The following TTYH2 variants were observed in gnomAD, a reference collection of about 807,000 sequenced individuals.
TTYH2 encodes tweety family member 2, also known as protein tweety homolog 2.
A neutral mutation model predicts 68.3 loss-of-function variants in TTYH2; 49 were observed. The ratio of observed to expected loss-of-function variants is 0.72; its 90% CI spans 0.57 to 0.91. The LOEUF is 0.91. TTYH2 is among the 40% of genes least tolerant of loss of function. The probability of loss-of-function intolerance (pLI) is 0.00; values close to 1 mark genes in which losing one functional copy is unlikely to be tolerated. For missense variants in TTYH2, 631 were observed against 700.4 expected (o/e 0.90, Z 1.12); for synonymous variants, 272 against 300.8 (o/e 0.90, Z 0.99).
At chr17:74,250,092 C>T (rs559616470) in intron 9 of TTYH2, 64 bp downstream of exon 9, 58 of 1,570,510 alleles carry the variant, frequency 3.7e-5, no homozygotes, top group African/African-American at 5.4e-5. Flanking sequence ...TCCCCTGCCC[C>T]GGCCCCAGGG....
intron 3 of TTYH2, among the ~76,000 whole-genome samples, chr17:74,234,817 T>C (rs1469943976): frequency 6.6e-6 from 1 of 152,220 alleles, no homozygotes; most frequent in East Asian, 1.9e-4. Context: ...AATATAGAAA[T>C]GTCACCTATT....
At chr17:74,238,665 G>A (rs912610930) in intron 4 of TTYH2, among the ~76,000 whole-genome samples, 6 of 152,000 alleles carry the variant, frequency 3.9e-5, no homozygotes, top group African/African-American at 7.3e-5. Context: ...TCGGGAGTCC[G>A]AGACCAGCCT....
chr17:74,257,374 C>T (rs972481040), intron 13 of TTYH2, among the ~76,000 whole-genome samples: 1 of 152,164 alleles, frequency 6.6e-6, no homozygotes, highest in Non-Finnish European at 1.5e-5. Context: ...GGTAAGGGAC[C>T]TAGAGAGACA....
chr17:74,234,154 C>T (rs950324357), intron 3 of TTYH2, among the ~76,000 whole-genome samples: 7 of 152,172 alleles, frequency 4.6e-5, no homozygotes, highest in Non-Finnish European at 7.3e-5. Context: ...CCAGAGGTTC[C>T]GCTTCAGCGG....
At chr17:74,240,264 C>G (rs1266198078) in intron 4 of TTYH2, among the ~76,000 whole-genome samples, 1 of 152,174 alleles carries the variant, frequency 6.6e-6, no homozygotes, top group Non-Finnish European at 1.5e-5. Context: ...CATGGAGAAA[C>G]CTCATCTCTA....
chr17:74,254,799 T>G (rs1185851059), intron 13 of TTYH2, among the ~76,000 whole-genome samples: 1 of 152,222 alleles, frequency 6.6e-6, no homozygotes, highest in African/African-American at 2.4e-5. Flanking sequence ...ATTAAGGAAT[T>G]TTTTTTCTTT....
rs112542987 is a variant in TTYH2 at position 74,250,497 on chromosome 17, A to C, written c.1116+140A>C. 4,058 of 684,470 alleles carry C rather than the reference A, an allele frequency of 5.9e-3. 127 individuals are homozygous for C. The African/African-American group carries it at 0.064, about 11-fold the overall frequency. 42.4% of individuals were successfully genotyped at this position (684,470 alleles called of 1,614,324 possible). A position where few individuals can be genotyped will look rare whatever the true frequency, so the allele number is the denominator to read the frequency against. ...CCAGGAATGGAACTGAAGCCAGATA[A>C]TGGGAAGGGAGGGGGTGCCTGGCTT... On this transcript the variant is annotated intron_variant, in intron 10 of 13. Transcript: ENST00000269346.
chr17:74,240,176 A>T (rs1408342054), intron 4 of TTYH2, among the ~76,000 whole-genome samples: 3 of 152,198 alleles, frequency 2.0e-5, no homozygotes, highest in African/African-American at 7.2e-5. Context: ...GGTTTGGCTC[A>T]TGCTGTAATC....
At chr17:74,225,136 A>C (rs990410628) in intron 2 of TTYH2, among the ~76,000 whole-genome samples, 1 of 152,206 alleles carries the variant, frequency 6.6e-6, no homozygotes, top group South Asian at 2.1e-4. Context: ...GAAGGCGTTA[A>C]CTTGGCAAAG....
At position 74,215,649 on chromosome 17, in the gene TTYH2, G is replaced by A. The variant is rs780502599; in HGVS notation, c.129+1933G>A. The A allele has an allele frequency of 5.9e-5, 90 of 1,535,622 alleles. No homozygotes were observed. Among genetic ancestry groups the A allele is most frequent in the Non-Finnish European group, 7.5e-5 (86 of 1,146,920 alleles). On this transcript the variant is annotated intron_variant, in intron 1 of 13. Transcript: ENST00000269346. This position sits in a 1 kb window ranked among gnomAD's most constrained non-coding sequence, Gnocchi z 4.3. ...CCACTCAGATCGCTGAGTAGGAGAT[G>A]AGCGTGGTGGGCCAGGACCGGAAGT... is the stretch of plus-strand genomic sequence containing the variant.
intron 4 of TTYH2, among the ~76,000 whole-genome samples, chr17:74,238,513 C>T (rs2050466957): frequency 6.6e-6 from 1 of 152,156 alleles, no homozygotes; most frequent in South Asian, 2.1e-4. Context: ...ATCCTCCCGC[C>T]TCAGCCTCCT....
chr17:74,250,642 C>A, intron 10 of TTYH2: 1 of 344,530 alleles, frequency 2.9e-6, no homozygotes, highest in Non-Finnish European at 5.3e-6. Flanking sequence ...AGGCTGTTCC[C>A]CATTGTCCAG....
intron 4 of TTYH2, among the ~76,000 whole-genome samples, chr17:74,238,596 G>A (rs2050468155): frequency 6.6e-6 from 1 of 152,050 alleles, no homozygotes; most frequent in Non-Finnish European, 1.5e-5. Context: ...GCTGGGACTG[G>A]TGGCTCACAC....
chr17:74,226,420 G>A (rs1204630626), intron 2 of TTYH2, among the ~76,000 whole-genome samples: 1 of 152,174 alleles, frequency 6.6e-6, no homozygotes. Flanking sequence ...GTTCCAGGAA[G>A]AGGAACCAAG....
chr17:74,223,925 C>T (rs776914033), intron 2 of TTYH2, among the ~76,000 whole-genome samples: 2 of 152,170 alleles, frequency 1.3e-5, no homozygotes, highest in African/African-American at 2.4e-5. Flanking sequence ...AAAACGCAGG[C>T]GAGACGCTAA....
intron 4 of TTYH2, among the ~76,000 whole-genome samples, chr17:74,240,480 C>G (rs528058996): frequency 6.6e-6 from 1 of 152,048 alleles, no homozygotes; most frequent in East Asian, 1.9e-4. Context: ...AGGTTGGCAC[C>G]TATGGCGCCT....
chr17:74,248,634 C>G (rs2050586070), intron 6 of TTYH2: 1 of 1,124,190 alleles, frequency 8.9e-7, no homozygotes, highest in African/African-American at 1.6e-5. Flanking sequence ...ACACACACAG[C>G]CTGCAGCTGC....
chr17:74,228,296 C>T lies in TTYH2; in HGVS notation c.303-2592C>T, dbSNP rs553164693. On this transcript the variant is annotated intron_variant, in intron 2 of 13. Transcript: ENST00000269346. ...ACTGCGCCTGGTAGGAGGTTTCTATCACAGTCCTCCAGGGGGTTCCGTCCT... is the reference window on the plus strand; with the variant it reads ...ACTGCGCCTGGTAGGAGGTTTCTATTACAGTCCTCCAGGGGGTTCCGTCCT... Among the ~76,000 whole-genome samples the T allele has an allele frequency of 2.6e-5, 4 of 152,274 alleles. No homozygotes were observed. In the South Asian group the frequency reaches 8.3e-4, roughly 32 times the overall value.
At chr17:74,253,635 C>T in intron 12 of TTYH2, 120 bp from the exon 13 acceptor site, 1 of 928,848 alleles carries the variant, frequency 1.1e-6, no homozygotes. Flanking sequence ...TCCACTCTAT[C>T]TGTGGTTTGG....
Sources: allele counts gnomAD v4.1 joint callset (sites outside exome capture counted in the v4.1 genomes callset), GRCh38; gene constraint gnomAD v4.1.1; non-coding constraint Gnocchi (gnomAD v3.1); transcripts MANE v1.5; gene names NCBI Gene and HGNC (gene_info 2026-07-23, HGNC 2026-07-21).